Variants in GAGE1 observed in about 807,000 individuals in gnomAD.
The protein encoded by GAGE1 is G antigen 1.
Under a neutral mutation model 5.0 loss-of-function variants are expected in GAGE1, and 5 were observed. The observed-to-expected ratio is 1.00, with a 90% confidence interval of 0.52 to 2.11. The LOEUF (loss-of-function observed/expected upper bound fraction) is 2.11, where lower values mean the gene tolerates loss of function less well. Among genes scored for constraint, GAGE1 ranks in the 30% most tolerant of loss-of-function variants. GAGE1 has a pLI of 0.01. For synonymous variants in GAGE1, 6 were observed against 14.8 expected, an observed-to-expected ratio of 0.40 and a Z score of 1.37; for missense variants, 9 against 38.9, an observed-to-expected ratio of 0.23 and a Z score of 2.04.
Position 49,604,568 on chromosome X carries a change from C to T in GAGE1, c.331+775C>T, listed in dbSNP as rs782468437. Among the ~76,000 whole-genome samples the T allele has an allele frequency of 8.0e-5, 9 of 111,871 alleles. No homozygotes were observed. In the East Asian group the frequency reaches 1.1e-3, roughly 14 times the overall value. ...GAGATTTTAAAACCATTTTCCATTCCGGTTCTTTCATACTCTGATCCTGTT... is the reference window on the plus strand; with the variant it reads ...GAGATTTTAAAACCATTTTCCATTCTGGTTCTTTCATACTCTGATCCTGTT... On this transcript the variant is annotated intron_variant, in intron 4 of 4. Coordinates refer to ENST00000381700, the MANE Select transcript of GAGE1 (RefSeq NM_001040663.4).
At position 49,607,845 on chromosome X, in the gene GAGE1, T is replaced by A. The variant is rs1302412214; in HGVS notation, c.*1830T>A. 1 of 111,673 alleles carries A rather than the reference T, an allele frequency of 9.0e-6. No homozygotes were observed. Among genetic ancestry groups the A allele is most frequent in the Non-Finnish European group, 1.9e-5 (1 of 53,215 alleles). The allele number at this position is 111,673 out of a possible 1,213,427, so 9.2% of individuals were successfully genotyped here. ...ATAAGAGGAATTATTATAAAATTCC[T>A]ATTTACTGGATGTGTACTATCTATG... is the stretch of plus-strand genomic sequence containing the variant. On this transcript the variant is annotated 3_prime_UTR_variant, in exon 5 of 5. Transcript: ENST00000381700.
intron 4 of GAGE1, chrX:49,605,080 A>C: frequency 9.8e-7 from 1 of 1,020,038 alleles, no homozygotes; most frequent in Non-Finnish European, 1.3e-6. Flanking sequence ...CCCCACGGAA[A>C]CCTTGAGTGA....
chrX:49,604,295 G>T (rs187384613), intron 4 of GAGE1, among the ~76,000 whole-genome samples: 51 of 112,677 alleles, frequency 4.5e-4, no homozygotes, highest in African/African-American at 1.6e-3. Flanking sequence ...TGAGTCAAAG[G>T]TATGTTGAAT....
Position 49,606,254 on chromosome X carries a change from A to C in GAGE1, c.*239A>C, listed in dbSNP as rs2066659155. The stretch of plus-strand genomic sequence containing the variant: ...TGATTTTCTATCCAGCAACCTTGTT[A>C]AATATGCTTATGAATTTTAAAAGTT... On this transcript the variant is annotated 3_prime_UTR_variant, in exon 5 of 5. Transcript: ENST00000381700. 4.5e-6 allele frequency: 1 copy of C among 220,403 alleles called. No individual in the cohort carries two copies. The highest frequency in any genetic ancestry group is 2.8e-4 in the South Asian group (1 of 3,574). The allele number at this position is 220,403 out of a possible 1,213,427, so 18.2% of individuals were successfully genotyped here.
At chrX:49,602,560 T>TCG (rs782176978) in intron 3 of GAGE1, among the ~76,000 whole-genome samples, 2 of 72,028 alleles carry the variant, frequency 2.8e-5, no homozygotes, top group African/African-American at 7.4e-5. Context: ...GCCCACACAC[T>TCG]CACACACACA....
At chrX:49,602,616 T>A (rs1199659049) in intron 3 of GAGE1, among the ~76,000 whole-genome samples, 1 of 86,573 alleles carries the variant, frequency 1.2e-5, no homozygotes, top group African/African-American at 3.5e-5. Flanking sequence ...TAATGCTGAA[T>A]TGTTTCGATA....
At chrX:49,604,445 T>C (rs1177420569) in intron 4 of GAGE1, among the ~76,000 whole-genome samples, 2 of 112,444 alleles carry the variant, frequency 1.8e-5, no homozygotes, top group Admixed American at 9.4e-5. Context: ...CTCATGCGGG[T>C]TCTAATATCA....
intron 3 of GAGE1, among the ~76,000 whole-genome samples, chrX:49,602,191 A>G (rs1409122991): frequency 8.8e-6 from 1 of 113,202 alleles, no homozygotes; most frequent in Non-Finnish European, 1.9e-5. Flanking sequence ...AAATTCATTA[A>G]ATAAATAAAG....
intron 4 of GAGE1, chrX:49,605,145 G>C (rs1269134455): frequency 2.0e-6 from 2 of 1,004,292 alleles, no homozygotes; most frequent in African/African-American, 3.9e-5. Context: ...TGGCATGTAA[G>C]TCAGTGATGC....
rs1602752429 is a variant in GAGE1 at position 49,606,213 on chromosome X, C to T, written c.*198C>T. The T allele has an allele frequency of 4.1e-6, 1 of 246,247 alleles. No individual in the cohort carries two copies. The highest frequency in any genetic ancestry group is 7.6e-6 in the Non-Finnish European group (1 of 131,340). The allele number at this position is 246,247 out of a possible 1,213,427, so 20.3% of individuals were successfully genotyped here. A position where few individuals can be genotyped will look rare whatever the true frequency, so the allele number is the denominator to read the frequency against. On this transcript the variant is annotated 3_prime_UTR_variant, in exon 5 of 5. Coordinates refer to ENST00000381700, the MANE Select transcript of GAGE1 (RefSeq NM_001040663.4). ...TATCTCCTTGAGCTGTGTGTAGAGG[C>T]ATAATTCTCATGTATTGATTTTCTA... is the stretch of plus-strand genomic sequence containing the variant.
intron 4 of GAGE1, among the ~76,000 whole-genome samples, chrX:49,605,597 T>C (rs781820681): frequency 8.9e-6 from 1 of 112,156 alleles, no homozygotes; most frequent in South Asian, 3.7e-4. Context: ...GTGCTTTGTA[T>C]GCCTTTAGGG....
chrX:49,604,672 C>T lies in GAGE1; in HGVS notation c.331+879C>T, dbSNP rs3747321. ...CAAATCATGAAACCCTGGCCCGAGT[C>T]ATCTGAAAATCTCTGAATTGAGATT... On this transcript the variant is annotated intron_variant, in intron 4 of 4. Transcript: ENST00000381700. Among the ~76,000 whole-genome samples the T allele has an allele frequency of 9.8e-5, 11 of 112,465 alleles. No individual in the cohort carries two copies. The East Asian group carries it at 2.8e-3, about 29-fold the overall frequency.
chrX:49,604,759 C>G (rs1234983805), intron 4 of GAGE1, among the ~76,000 whole-genome samples: 2 of 111,979 alleles, frequency 1.8e-5, no homozygotes, highest in South Asian at 3.8e-4. Context: ...GTGTGGAGAG[C>G]TGAATACGTA....
chrX:49,604,463 C>T (rs1482152559), intron 4 of GAGE1, among the ~76,000 whole-genome samples: 1 of 112,422 alleles, frequency 8.9e-6, no homozygotes, highest in African/African-American at 3.2e-5. Flanking sequence ...TCAGCTCTTA[C>T]AGCCTTGGTG....
chrX:49,606,470 T>A lies in GAGE1; in HGVS notation c.*455T>A, dbSNP rs1557132245. 1 of 112,245 alleles carries A rather than the reference T, an allele frequency of 8.9e-6. No individual in the cohort carries two copies. The highest frequency in any genetic ancestry group is 1.9e-5 in the Non-Finnish European group (1 of 53,406). The allele number at this position is 112,245 out of a possible 1,213,427, so 9.3% of individuals were successfully genotyped here. ...CACTCTCCTTGGCCTTTCAAAGTGT[T>A]GGGATTACAGGCATGGGCCACCGTG... On this transcript the variant is annotated 3_prime_UTR_variant, in exon 5 of 5. Coordinates refer to ENST00000381700, the MANE Select transcript of GAGE1 (RefSeq NM_001040663.4).
chrX:49,602,431 C>G (rs1557131086), intron 3 of GAGE1, among the ~76,000 whole-genome samples: 3 of 76,638 alleles, frequency 3.9e-5, no homozygotes, highest in Non-Finnish European at 9.8e-5. Flanking sequence ...TCATAGCATT[C>G]ATAGAAAATT....
chrX:49,604,665 C>G (rs1442205814), intron 4 of GAGE1, among the ~76,000 whole-genome samples: 2 of 112,297 alleles, frequency 1.8e-5, no homozygotes, highest in African/African-American at 6.5e-5. Flanking sequence ...GAAACCCTGG[C>G]CCGAGTCATC....
At chrX:49,605,110 G>T in intron 4 of GAGE1, 1 of 1,010,763 alleles carries the variant, frequency 9.9e-7, no homozygotes, top group Non-Finnish European at 1.3e-6. Flanking sequence ...CAAATGGCAA[G>T]AGACCGTTTA....
chrX:49,605,879 G>T, intron 4 of GAGE1, 114 bp from the exon 5 acceptor site: 1 of 463,477 alleles, frequency 2.2e-6, no homozygotes, highest in Admixed American at 6.9e-5. Flanking sequence ...CTGTACTCCA[G>T]CCTGGGCAAC....
Sources: gnomAD v4.1 joint callset for allele counts (sites outside exome capture counted in the v4.1 genomes callset) on GRCh38, gnomAD v4.1.1 for gene constraint, MANE v1.5 for transcripts, NCBI Gene and HGNC (gene_info 2026-07-23, HGNC 2026-07-21) for gene names.